GNPTAB: variants seen among roughly 807,000 people sequenced by gnomAD.
GNPTAB encodes the protein N-acetylglucosamine-1-phosphotransferase subunits alpha/beta.
Under a neutral mutation model 136.6 loss-of-function variants are expected in GNPTAB, and 92 were observed. The observed-to-expected ratio is 0.67, with a 90% CI of 0.57 to 0.80. GNPTAB has a LOEUF of 0.80. GNPTAB is among the 30% of genes least tolerant of loss of function. GNPTAB has a pLI of 0.00. For synonymous variants in GNPTAB, 512 were observed against 535.1 expected, an observed-to-expected ratio of 0.96 and a Z score of 0.60; for missense variants, 1,343 against 1,501.8, an observed-to-expected ratio of 0.89 and a Z score of 1.75.
At chr12:101,822,911 C>T (rs369038281) in intron 1 of GNPTAB, among the ~76,000 whole-genome samples, 13 of 152,198 alleles carry the variant, frequency 8.5e-5, no homozygotes, top group African/African-American at 3.1e-4. Context: ...GCTGCCTACC[C>T]AGCATCACTT....
intron 1 of GNPTAB, among the ~76,000 whole-genome samples, chr12:101,814,133 T>G (rs1036893992): frequency 6.6e-6 from 1 of 151,300 alleles, no homozygotes; most frequent in African/African-American, 2.4e-5. Context: ...ACACCATCTC[T>G]ACAAAAACTA....
Position 101,802,515 on chromosome 12 carries a change from G to A in GNPTAB, c.118-5753C>T, listed in dbSNP as rs77191102. On this transcript the variant is annotated intron_variant, in intron 1 of 20. Transcript: ENST00000299314. ...TCAAGGCTCACTGCCATGATCCTGA[G>A]GGGGATTTAGACAAAAACACCCCTA... Among the ~76,000 whole-genome samples, 1,433 of 152,156 alleles carry A rather than the reference G, an allele frequency of 9.4e-3. 26 individuals carry two copies. The highest frequency in any genetic ancestry group is 0.033 in the African/African-American group (1,355 of 41,498).
In GNPTAB at chr12:101,764,414, GCTTTT is replaced by G. The variant is rs1953053436; in HGVS notation, c.2498_2502del (p.Glu833AlafsTer27). The stretch of plus-strand genomic sequence containing the variant: ...TCCAGTGGAACAATCAGAGATGGGG[GCTTTT>G]CTTTTGTCACATTTCCGCCTATGGT... On this transcript the variant is annotated frameshift_variant, in exon 13 of 21. Transcript: ENST00000299314. LOFTEE classifies it high-confidence loss of function. 5 of 1,613,302 alleles carry G rather than the reference GCTTTT, an allele frequency of 3.1e-6. No homozygotes were observed. Among genetic ancestry groups the G allele is most frequent in the Non-Finnish European group, 3.4e-6 (4 of 1,179,982 alleles).
intron 13 of GNPTAB, 61 bp from the exon 14 acceptor site, chr12:101,761,824 A>T (rs1233806065): frequency 8.1e-7 from 1 of 1,229,792 alleles, no homozygotes; most frequent in Non-Finnish European, 1.2e-6. Context: ...GTACTTTGTT[A>T]CAAGACATTT....
chr12:101,825,163 A>G (rs1871023955), intron 1 of GNPTAB, among the ~76,000 whole-genome samples: 1 of 152,206 alleles, frequency 6.6e-6, no homozygotes. Context: ...GTTGTTATTC[A>G]GTCCTCATAC....
At chr12:101,763,054 C>T (rs1953025771) in intron 13 of GNPTAB, among the ~76,000 whole-genome samples, 1 of 151,820 alleles carries the variant, frequency 6.6e-6, no homozygotes, top group Admixed American at 6.6e-5. Context: ...AACCCCGTCT[C>T]CACTAAAAAT....
At chr12:101,785,976 T>C (rs772024246) in intron 5 of GNPTAB, 36 bp downstream of exon 5, 2 of 1,419,018 alleles carry the variant, frequency 1.4e-6, no homozygotes, top group Non-Finnish European at 2.0e-6. Flanking sequence ...CATCCAATGA[T>C]AACATGATTT....
intron 15 of GNPTAB, 41 bp downstream of exon 15, chr12:101,761,086 A>T (rs2137111720): frequency 6.9e-7 from 1 of 1,452,724 alleles, no homozygotes; most frequent in South Asian, 1.2e-5. Context: ...TTAAATTCTC[A>T]TTTAAAACAT....
At chr12:101,758,148 C>A (rs1197610361) in intron 16 of GNPTAB, among the ~76,000 whole-genome samples, 1 of 151,782 alleles carries the variant, frequency 6.6e-6, no homozygotes, top group Non-Finnish European at 1.5e-5. Context: ...AAGTGATTCT[C>A]CTGTCTCAGT....
At chr12:101,820,113 GC>G (rs1260895778) in intron 1 of GNPTAB, among the ~76,000 whole-genome samples, 1 of 152,200 alleles carries the variant, frequency 6.6e-6, no homozygotes, top group East Asian at 1.9e-4. Flanking sequence ...CCTAGGACCA[GC>G]CTCTACGCAA....
Position 101,767,998 on chromosome 12 carries a change from C to T in GNPTAB, c.1408+39G>A. 3 of 1,603,006 alleles carry T rather than the reference C, an allele frequency of 1.9e-6. No individual in the cohort carries two copies. In the East Asian group the frequency reaches 6.7e-5, roughly 36 times the overall value. Reference sequence around the variant, plus strand: ...CAATAATGATTAAGAAGAAAATATTCCATAAAAATGAACGAATTACAGTTT... The same window carrying T: ...CAATAATGATTAAGAAGAAAATATTTCATAAAAATGAACGAATTACAGTTT... On this transcript the variant is annotated intron_variant, in intron 11 of 20. Coordinates refer to ENST00000299314, the MANE Select transcript of GNPTAB (RefSeq NM_024312.5).
At chr12:101,791,060 CAATAAG>C (rs1868959761) in intron 2 of GNPTAB, among the ~76,000 whole-genome samples, 1 of 152,090 alleles carries the variant, frequency 6.6e-6, no homozygotes, top group East Asian at 1.9e-4. Context: ...CACAGGTGAC[CAATAAG>C]TATATGCTGA....
intron 1 of GNPTAB, among the ~76,000 whole-genome samples, chr12:101,820,319 T>G (rs1272475771): frequency 1.3e-5 from 2 of 152,172 alleles, no homozygotes; most frequent in Middle Eastern, 3.2e-3. Context: ...GTTGGTGGAG[T>G]GCCTAGCACA....
At chr12:101,770,263 A>AGGAAG in intron 9 of GNPTAB, 72 bp from the exon 10 acceptor site, 1 of 1,510,100 alleles carries the variant, frequency 6.6e-7, no homozygotes, top group Non-Finnish European at 9.2e-7. Context: ...TTTGAAAGGA[A>AGGAAG]GGAAGGGAAG....
rs137994467 is a variant in GNPTAB, at chr12:101,811,338, AACTC to A, written c.118-14580_118-14577del. Among the ~76,000 whole-genome samples the A allele has an allele frequency of 9.2e-3, 1,400 of 152,276 alleles. 18 individuals carry two copies. Among genetic ancestry groups the A allele is most frequent in the Non-Finnish European group, 0.014 (942 of 68,032 alleles). On this transcript the variant is annotated intron_variant, in intron 1 of 20. Transcript: ENST00000299314. ...AATGGACATGGCTGTGTTCCAATGA[AACTC>A]AAATTACAGAAACTGACATTTAAAT...
intron 19 of GNPTAB, among the ~76,000 whole-genome samples, chr12:101,749,506 C>G (rs1484317185): frequency 6.6e-6 from 1 of 152,232 alleles, no homozygotes; most frequent in African/African-American, 2.4e-5. Flanking sequence ...TTTATTCACT[C>G]AGTTTCTTGA....
intron 18 of GNPTAB, chr12:101,756,961 C>A: frequency 2.6e-6 from 1 of 377,678 alleles, no homozygotes; most frequent in South Asian, 5.9e-5. Context: ...ACAATGCGAT[C>A]TGTCCCTGGG....
intron 1 of GNPTAB, among the ~76,000 whole-genome samples, chr12:101,824,430 A>ATTTTTTT (rs1186690337): frequency 2.5e-5 from 2 of 78,792 alleles, no homozygotes; most frequent in Non-Finnish European, 4.8e-5. Flanking sequence ...ATATATATAT[A>ATTTTTTT]TATTTTCTTT....
chr12:101,764,000 G>C (rs1197765266), intron 13 of GNPTAB, among the ~76,000 whole-genome samples: 1 of 152,068 alleles, frequency 6.6e-6, no homozygotes, highest in East Asian at 1.9e-4. Flanking sequence ...CTACAAAATG[G>C]GGACAGCAAT....
Sources: allele counts gnomAD v4.1 joint callset (sites outside exome capture counted in the v4.1 genomes callset), GRCh38; gene constraint gnomAD v4.1.1; transcripts MANE v1.5; gene names NCBI Gene and HGNC (gene_info 2026-07-23, HGNC 2026-07-21).